Variants in EFCAB6 observed in about 807,000 individuals in gnomAD.
EFCAB6 encodes the protein EF-hand calcium-binding domain-containing protein 6.
EFCAB6 carries 156 observed loss-of-function variants against 169.8 expected under a neutral mutation model. The observed-to-expected ratio is 0.92, with a 90% confidence interval of 0.81 to 1.05. The LOEUF (loss-of-function observed/expected upper bound fraction) is 1.05. EFCAB6 is among the 50% of genes least tolerant of loss of function. The pLI is 0.00. For missense variants in EFCAB6, 1,800 were observed against 1,829.1 expected (o/e 0.98, Z 0.29); for synonymous variants, 698 against 676.4 (o/e 1.03, Z -0.50).
At chr22:43,741,093 T>A (rs2060353005) in intron 6 of EFCAB6, among the ~76,000 whole-genome samples, 1 of 152,094 alleles carries the variant, frequency 6.6e-6, no homozygotes, top group Non-Finnish European at 1.5e-5. Flanking sequence ...GGCCGTGGTG[T>A]CCAAGACTTG....
intron 2 of EFCAB6, among the ~76,000 whole-genome samples, chr22:43,806,568 G>T (rs1025135376): frequency 6.6e-6 from 1 of 152,200 alleles, no homozygotes; most frequent in South Asian, 2.1e-4. Context: ...TCTTAATTGT[G>T]GGGTAGAAGG....
intron 9 of EFCAB6, among the ~76,000 whole-genome samples, chr22:43,711,893 T>C (rs1343933208): frequency 6.6e-6 from 1 of 152,184 alleles, no homozygotes; most frequent in Non-Finnish European, 1.5e-5. Context: ...ATTTCAGAGC[T>C]AAAAATACTT....
At chr22:43,671,905 G>A (rs559041576) in intron 15 of EFCAB6, 68 bp downstream of exon 15, 3 of 1,545,322 alleles carry the variant, frequency 1.9e-6, no homozygotes, top group East Asian at 4.5e-5. Flanking sequence ...ACACAGAAAA[G>A]GTTTAGAATT....
In EFCAB6 at chr22:43,641,125, G is replaced by C. The variant is rs150116320; in HGVS notation, c.1984-5909C>G. 3.3e-5 allele frequency among the ~76,000 whole-genome samples: 5 copies of C among 152,282 alleles called. No homozygotes were observed. The East Asian group carries it at 9.7e-4, about 29-fold the overall frequency. On this transcript the variant is annotated intron_variant, in intron 17 of 31. Coordinates refer to ENST00000262726, the MANE Select transcript of EFCAB6 (RefSeq NM_022785.4). ...TCTTTTTCACTTCTATATGCCAAGA[G>C]CACATAGTAGGTGTTCACTAAAAGT...
chr22:43,543,124 C>G (rs917890903), intron 27 of EFCAB6, among the ~76,000 whole-genome samples: 1 of 152,166 alleles, frequency 6.6e-6, no homozygotes, highest in Non-Finnish European at 1.5e-5. Flanking sequence ...CACAGGGAGC[C>G]AAGGGGAGGG....
At chr22:43,803,022 C>T (rs144832057) in intron 2 of EFCAB6, among the ~76,000 whole-genome samples, 14 of 152,276 alleles carry the variant, frequency 9.2e-5, no homozygotes, top group Admixed American at 4.6e-4. Context: ...GAGGGATTTC[C>T]TGGCTTTGAC....
chr22:43,698,106 T>A (rs1027569678), intron 10 of EFCAB6, among the ~76,000 whole-genome samples: 1 of 152,172 alleles, frequency 6.6e-6, no homozygotes, highest in African/African-American at 2.4e-5. Context: ...TGCTTGTTCA[T>A]GGGCTTTCAG....
intron 5 of EFCAB6, among the ~76,000 whole-genome samples, chr22:43,758,825 CTTT>C (rs908409311): frequency 2.0e-5 from 3 of 152,158 alleles, no homozygotes. Context: ...TGTTTTCTTA[CTTT>C]TTATGTCTAT....
Position 43,635,222 on chromosome 22 carries a change from G to T in EFCAB6, c.1984-6C>A, listed in dbSNP as rs750235129. Reference sequence around the variant, plus strand: ...ATCCCAGTGTCTTCCAGTACCTGACGAGGGAGACAGGGGAGGGTGGAGAGG... The same window carrying T: ...ATCCCAGTGTCTTCCAGTACCTGACTAGGGAGACAGGGGAGGGTGGAGAGG... On this transcript the variant is annotated splice_region_variant and splice_polypyrimidine_tract_variant and intron_variant, in intron 17 of 31. Transcript: ENST00000262726. 6.2e-7 allele frequency: 1 copy of T among 1,607,880 alleles called. No homozygotes were observed. The highest frequency in any genetic ancestry group is 2.2e-5 in the East Asian group (1 of 44,836).
intron 11 of EFCAB6, among the ~76,000 whole-genome samples, chr22:43,685,298 G>A (rs1377809872): frequency 6.6e-6 from 1 of 152,132 alleles, no homozygotes; most frequent in East Asian, 1.9e-4. Context: ...GTGCCTGCGA[G>A]GGCGTTTCTG....
chr22:43,803,873 T>A (rs993101415), intron 2 of EFCAB6, among the ~76,000 whole-genome samples: 2 of 152,214 alleles, frequency 1.3e-5, no homozygotes, highest in South Asian at 2.1e-4. Context: ...AGAATACGCA[T>A]TTCATTTCCT....
At position 43,635,452 on chromosome 22, in the gene EFCAB6, T is replaced by C. The variant is rs181163857; in HGVS notation, c.1984-236A>G. Among the ~76,000 whole-genome samples, 629 of 152,318 alleles carry C rather than the reference T, an allele frequency of 4.1e-3. 3 individuals carry two copies. The highest frequency in any genetic ancestry group is 6.1e-3 in the Non-Finnish European group (418 of 68,008). ...GAAGGGACAAGTGGCACAGTTGGCATGGTGCTCAGGCCCACAGGTGCCACT... is the reference window on the plus strand; with the variant it reads ...GAAGGGACAAGTGGCACAGTTGGCACGGTGCTCAGGCCCACAGGTGCCACT... On this transcript the variant is annotated intron_variant, in intron 17 of 31. Transcript: ENST00000262726.
chr22:43,808,732 A>G (rs1221100302), intron 2 of EFCAB6, among the ~76,000 whole-genome samples: 4 of 152,210 alleles, frequency 2.6e-5, no homozygotes, highest in Non-Finnish European at 5.9e-5. Context: ...AATAACAGAG[A>G]AAAAACAAAA....
rs140414088 is a variant in EFCAB6 at position 43,768,561 on chromosome 22, T to C, written c.352-3168A>G. Among the ~76,000 whole-genome samples, 185 of 152,332 alleles carry C rather than the reference T, an allele frequency of 1.2e-3. 4 individuals carry two copies. The East Asian group carries it at 0.022, about 18-fold the overall frequency. On this transcript the variant is annotated intron_variant, in intron 4 of 31. Transcript: ENST00000262726. Reference sequence around the variant, plus strand: ...CCCTTCATTCCCAATGACCTTGGCCTCCTGCAATGTGCCACACTCCAGCCT... The same window carrying C: ...CCCTTCATTCCCAATGACCTTGGCCCCCTGCAATGTGCCACACTCCAGCCT...
intron 13 of EFCAB6, among the ~76,000 whole-genome samples, chr22:43,673,122 G>A (rs916607912): frequency 6.6e-6 from 1 of 152,112 alleles, no homozygotes; most frequent in African/African-American, 2.4e-5. Flanking sequence ...AGGTACATTT[G>A]GATACTATTT....
chr22:43,597,466 T>C (rs951147560), intron 23 of EFCAB6, among the ~76,000 whole-genome samples: 2 of 152,112 alleles, frequency 1.3e-5, no homozygotes, highest in African/African-American at 4.8e-5. Context: ...AAAGAGGACA[T>C]ATAAAGTGGC....
rs7289422 is a variant in EFCAB6 at position 43,662,531 on chromosome 22, C to T, written c.1983+4573G>A. On this transcript the variant is annotated intron_variant, in intron 17 of 31. Transcript: ENST00000262726. ...GGCAACCTGAAGTTTGTGACACAGA[C>T]CTTCACTCCCACCTCCTCAGGGACA... Among the ~76,000 whole-genome samples, 786 of 152,248 alleles carry T rather than the reference C, an allele frequency of 5.2e-3. 11 individuals are homozygous for T. Among genetic ancestry groups the T allele is most frequent in the African/African-American group, 0.018 (744 of 41,546 alleles).
intron 22 of EFCAB6, among the ~76,000 whole-genome samples, chr22:43,603,543 A>G (rs1048599457): frequency 2.6e-5 from 4 of 152,284 alleles, no homozygotes; most frequent in African/African-American, 9.6e-5. Flanking sequence ...ACATAATTTG[A>G]GTATGTTCAC....
chr22:43,566,095 G>A (rs1008823368), intron 26 of EFCAB6, among the ~76,000 whole-genome samples: 2 of 152,190 alleles, frequency 1.3e-5, no homozygotes, highest in East Asian at 3.9e-4. Flanking sequence ...TACAGACCTC[G>A]CTGCCGGATC....
Sources: gnomAD v4.1 joint callset for allele counts (sites outside exome capture counted in the v4.1 genomes callset) on GRCh38, gnomAD v4.1.1 for gene constraint, MANE v1.5 for transcripts, NCBI Gene and HGNC (gene_info 2026-07-23, HGNC 2026-07-21) for gene names.